Variants in CELSR2 observed in about 807,000 individuals in gnomAD.
The protein encoded by CELSR2 is EGF-like protein 2.
In CELSR2, 81 loss-of-function variants were observed where a neutral mutation model predicts 251.6. That is an observed-to-expected ratio of 0.32 (90% confidence interval 0.27 to 0.39). The LOEUF (loss-of-function observed/expected upper bound fraction) is 0.39. Among genes scored for constraint, CELSR2 ranks in the 10% least tolerant of loss-of-function variants. The pLI is 1.00. For missense variants in CELSR2, 3,365 were observed against 3,947.7 expected (o/e 0.85, Z 3.96); for synonymous variants, 1,721 against 1,670.5 (o/e 1.03, Z -0.74).
chr1:109,258,697 G>T lies in CELSR2; in HGVS notation c.3576G>T (p.Gly1192=). 1 of 1,549,452 alleles carries T rather than the reference G, an allele frequency of 6.5e-7. No homozygotes were observed. The highest frequency in any genetic ancestry group is 8.7e-7 in the Non-Finnish European group (1 of 1,146,186). ...NVSLSVGQPP[G]PGGGPPFLPS... ...GCCTGTCGGTGGGCCAGCCGCCAGGGCCCGGGGGCGGGCCGCCCTTCCTGC... is the reference window on the plus strand; with the variant it reads ...GCCTGTCGGTGGGCCAGCCGCCAGGTCCCGGGGGCGGGCCGCCCTTCCTGC... The change falls in exon 2 of 34, where the codon GGG becomes GGT. Residue 1192 remains glycine, a synonymous_variant. Coordinates refer to ENST00000271332, the MANE Select transcript of CELSR2 (RefSeq NM_001408.3).
rs1482851128 is a variant in CELSR2 at position 109,269,705 on chromosome 1, C to T, written c.6992C>T (p.Thr2331Ile). 2 of 1,614,152 alleles carry T rather than the reference C, an allele frequency of 1.2e-6. No individual in the cohort carries two copies. Among genetic ancestry groups the T allele is most frequent in the African/African-American group, 1.3e-5 (1 of 75,064 alleles). Residue 2331 changes from threonine to isoleucine, a missense_variant, in exon 22 of 34, where the codon ACA becomes ATA. Transcript: ENST00000271332. This position sits in a 1 kb window ranked among gnomAD's most constrained non-coding sequence, Gnocchi z 6.4. ...CCTTCCTCACACAGGGTCAGTGGCA[C>T]AGGTGGCTGGTCGGCCAGAGGCTGT... ...FWNHSILVSG[T>I]GGWSARGCEV...
At position 109,252,968 on chromosome 1, in the gene CELSR2, C is replaced by A; in HGVS notation, c.2889C>A (p.Gly963=). 1 of 1,612,216 alleles carries A rather than the reference C, an allele frequency of 6.2e-7. No individual in the cohort carries two copies. Among genetic ancestry groups the A allele is most frequent in the Non-Finnish European group, 8.5e-7 (1 of 1,178,954 alleles). ...AGATTATGTACCAGATTGTGGAGGG[C>A]AACATCCCTGAGGTCTTTCAGCTGG... ...NAQIMYQIVE[G]NIPEVFQLDI... is the part of the protein sequence containing the mutation. The change falls in exon 1 of 34, where the codon GGC becomes GGA. Residue 963 remains glycine, a synonymous_variant. Coordinates refer to ENST00000271332, the MANE Select transcript of CELSR2 (RefSeq NM_001408.3). This position sits in a 1 kb window ranked among gnomAD's most constrained non-coding sequence, Gnocchi z 4.8.
At position 109,258,412 on chromosome 1, in the gene CELSR2, G is replaced by T; in HGVS notation, c.3311-20G>T. On this transcript the variant is annotated intron_variant, in intron 1 of 33. Coordinates refer to ENST00000271332, the MANE Select transcript of CELSR2 (RefSeq NM_001408.3). Reference sequence around the variant, plus strand: ...GAATTGCAGCCCCAGGCTGGGTCCTGACTGTGTCCCTCTCCACAGACGGCG... The same window carrying T: ...GAATTGCAGCCCCAGGCTGGGTCCTTACTGTGTCCCTCTCCACAGACGGCG... The T allele has an allele frequency of 6.5e-7, 1 of 1,538,900 alleles. No individual in the cohort carries two copies.
Position 109,251,673 on chromosome 1 carries a change from G to C in CELSR2, c.1594G>C (p.Ala532Pro). The stretch of plus-strand genomic sequence containing the variant: ...GGTTCTCCATGTCCAGGCTATCGAC[G>C]CTGATGCTGGTGACAATGCCCGCCT... ...YLVLHVQAID[A>P]DAGDNARLEY... Residue 532 changes from alanine (A) to proline (P), a missense_variant, in exon 1 of 34, where the codon GCT becomes CCT. Physicochemically the swap from Ala to Pro is conservative, Grantham distance 27. This residue lies in a region of CELSR2 where 704 missense variants were observed against 784.1 expected (regional missense o/e 0.90). Transcript: ENST00000271332. The surrounding 1 kb of genome is among the most constrained non-coding windows in gnomAD (Gnocchi z 4.9). The C allele has an allele frequency of 6.2e-7, 1 of 1,614,062 alleles. No individual in the cohort carries two copies. Among genetic ancestry groups the C allele is most frequent in the Non-Finnish European group, 8.5e-7 (1 of 1,180,026 alleles).
intron 24 of CELSR2, 27 bp from the exon 25 acceptor site, chr1:109,270,900 C>A: frequency 6.4e-7 from 1 of 1,552,778 alleles, no homozygotes; most frequent in Non-Finnish European, 8.8e-7. Flanking sequence ...CACCCCTCCA[C>A]TGCTCCCGTC....
At chr1:109,267,372 G>A (rs971015868) in intron 15 of CELSR2, among the ~76,000 whole-genome samples, 176 bp from the exon 16 acceptor site, 2 of 152,180 alleles carry the variant, frequency 1.3e-5, no homozygotes, top group Admixed American at 6.5e-5. Context: ...CTGATCTTGC[G>A]GAGATTTTTG....
In CELSR2 at chr1:109,270,364, G is replaced by A. The variant is rs767990769; in HGVS notation, c.7309-62G>A. 703 of 1,575,930 alleles carry A rather than the reference G, an allele frequency of 4.5e-4. 1 individual carries two copies. The highest frequency in any genetic ancestry group is 5.7e-4 in the Non-Finnish European group (659 of 1,151,690). On this transcript the variant is annotated intron_variant, in intron 23 of 33. Transcript: ENST00000271332. ...CCAGGCCCTCCTCCATGCCTGACCCGAAGCAGAGCCTGTGCTCTGGGCGGG... is the reference window on the plus strand; with the variant it reads ...CCAGGCCCTCCTCCATGCCTGACCCAAAGCAGAGCCTGTGCTCTGGGCGGG...
chr1:109,273,434 A>G lies in CELSR2; in HGVS notation c.8510-2A>G. The G allele has an allele frequency of 6.2e-7, 1 of 1,610,686 alleles. No individual in the cohort carries two copies. The highest frequency in any genetic ancestry group is 8.5e-7 in the Non-Finnish European group (1 of 1,178,690). ...ACCTCACAGCCCCGCCCCGGCCCAC[A>G]GGCATCCTTAAGAAGAAGTGTCTGC... is the stretch of plus-strand genomic sequence containing the variant. On this transcript the variant is annotated splice_acceptor_variant, in intron 32 of 33. Transcript: ENST00000271332. LOFTEE classifies it high-confidence loss of function.
Position 109,250,887 on chromosome 1 carries a change from A to G in CELSR2, c.808A>G (p.Ser270Gly), listed in dbSNP as rs746313119. ...TAQDHGMPRR[S>G]ALATLTILVT... is the part of the protein sequence containing the mutation. ...GCAGGACCACGGCATGCCCCGACGA[A>G]GTGCCCTGGCTACACTCACCATCTT... Residue 270 changes from serine (S) to glycine (G), a missense_variant, in exon 1 of 34, where the codon AGT becomes GGT. This residue lies in a region of CELSR2 where 704 missense variants were observed against 784.1 expected (regional missense o/e 0.90). Transcript: ENST00000271332. The surrounding 1 kb of genome is among the most constrained non-coding windows in gnomAD (Gnocchi z 4.4). 5 of 1,613,880 alleles carry G rather than the reference A, an allele frequency of 3.1e-6. No homozygotes were observed. The highest frequency in any genetic ancestry group is 1.6e-4 in the Middle Eastern group (1 of 6,084).
At chr1:109,271,347 G>C (rs1316920685) in intron 26 of CELSR2, 39 bp from the exon 27 acceptor site, 1 of 1,613,850 alleles carries the variant, frequency 6.2e-7, no homozygotes, top group Non-Finnish European at 8.5e-7. Context: ...CAGCATGGGA[G>C]GTCTCATGGC....
chr1:109,250,496 G>A lies in CELSR2; in HGVS notation c.417G>A (p.Lys139=). ...LTLPEEHPCL[K]APRLRCQSCK... is the part of the protein sequence containing the mutation. ...TGCCCGAGGAGCACCCGTGCTTAAA[G>A]GCTCCACGGCTCAGATGCCAGTCCT... is the stretch of plus-strand genomic sequence containing the variant. Residue 139 remains lysine (K), a synonymous_variant, in exon 1 of 34, where the codon AAG becomes AAA. Coordinates refer to ENST00000271332, the MANE Select transcript of CELSR2 (RefSeq NM_001408.3). This position sits in a 1 kb window ranked among gnomAD's most constrained non-coding sequence, Gnocchi z 4.4. The A allele has an allele frequency of 1.2e-6, 2 of 1,613,808 alleles. No individual in the cohort carries two copies. The highest frequency in any genetic ancestry group is 1.1e-5 in the South Asian group (1 of 91,084).
Position 109,268,749 on chromosome 1 carries a change from G to A in CELSR2, c.6487G>A (p.Val2163Ile), listed in dbSNP as rs768788328. 16 of 1,601,562 alleles carry A rather than the reference G, an allele frequency of 1.0e-5. No homozygotes were observed. The highest frequency in any genetic ancestry group is 9.0e-5 in the East Asian group (4 of 44,548). The change falls in exon 18 of 34, where the codon GTC (valine) becomes ATC (isoleucine). Residue 2163 changes from valine (V) to isoleucine (I), a missense_variant. This residue lies in a region of CELSR2 where 2,093 missense variants were observed against 2,382.8 expected (regional missense o/e 0.88). Coordinates refer to ENST00000271332, the MANE Select transcript of CELSR2 (RefSeq NM_001408.3). ...RHTYLSPFTIVTPNIVISVVR... is the reference protein window; with the variant it reads ...RHTYLSPFTIITPNIVISVVR... ...CACCTACCTAAGCCCCTTCACCATC[G>A]TCACGCCCAACATTGGTAAGGCTGG...
Position 109,261,730 on chromosome 1 carries a change from G to GC in CELSR2, c.4298-74dup. ...ACTCTATCAGCCAAATCTGGGCCCA[G>GC]CCCCAGCCACTGGCACCCCAAACCC... On this transcript the variant is annotated intron_variant, in intron 4 of 33. Transcript: ENST00000271332. This position sits in a 1 kb window ranked among gnomAD's most constrained non-coding sequence, Gnocchi z 4.8. 6.5e-7 allele frequency: 1 copy of GC among 1,545,184 alleles called. No homozygotes were observed. Among genetic ancestry groups the GC allele is most frequent in the Non-Finnish European group, 8.9e-7 (1 of 1,129,586 alleles).
At chr1:109,264,744 C>T in intron 11 of CELSR2, 116 bp downstream of exon 11, 7 of 1,577,452 alleles carry the variant, frequency 4.4e-6, no homozygotes, top group Non-Finnish European at 6.1e-6. Flanking sequence ...TCTTAGTTGC[C>T]TACACAACAA....
intron 1 of CELSR2, 148 bp from the exon 2 acceptor site, chr1:109,258,284 C>G (rs1474936929): frequency 3.4e-6 from 2 of 588,524 alleles, no homozygotes; most frequent in African/African-American, 1.9e-5. Context: ...CCCCTGAGCC[C>G]TGAAGGAGTG....
At chr1:109,263,036 G>A (rs1372153711) in intron 7 of CELSR2, 67 bp downstream of exon 7, 21 of 1,589,348 alleles carry the variant, frequency 1.3e-5, no homozygotes, top group Middle Eastern at 1.7e-4. Context: ...TGCCTGGTGT[G>A]AGGATGCCAG....
chr1:109,263,895 C>T (rs1303597748), intron 9 of CELSR2, 118 bp downstream of exon 9: 1 of 1,420,176 alleles, frequency 7.0e-7, no homozygotes, highest in East Asian at 2.4e-5. Context: ...ATAGAGGCCG[C>T]TGGATCCGTT....
Position 109,264,991 on chromosome 1 carries a change from G to A in CELSR2, c.5588G>A (p.Gly1863Glu), listed in dbSNP as rs1311707593. The A allele has an allele frequency of 6.2e-7, 1 of 1,614,118 alleles. No homozygotes were observed. The highest frequency in any genetic ancestry group is 1.3e-5 in the African/African-American group (1 of 75,006). Residue 1863 changes from glycine to glutamate, a missense_variant, in exon 12 of 34, where the codon GGG (glycine) becomes GAG (glutamate). Physicochemically the swap from Gly to Glu is moderately conservative, Grantham distance 98. Coordinates refer to ENST00000271332, the MANE Select transcript of CELSR2 (RefSeq NM_001408.3). ...YTCECPPNYL[G>E]PYCETRIDQP... ...TGCGAGTGTCCCCCAAATTACCTTG[G>A]GCCATACTGTGAGACCAGGTAAGCA...
Position 109,270,144 on chromosome 1 carries a change from C to T in CELSR2, c.7308+11C>T. ...CAGGCTGACCTCCCTGTAAGATGCT[C>T]CTACTGCCCAGAAACTGTCCCCACC... On this transcript the variant is annotated intron_variant, in intron 23 of 33. Coordinates refer to ENST00000271332, the MANE Select transcript of CELSR2 (RefSeq NM_001408.3). 2 of 1,613,090 alleles carry T rather than the reference C, an allele frequency of 1.2e-6. No individual in the cohort carries two copies. The highest frequency in any genetic ancestry group is 1.6e-4 in the Middle Eastern group (1 of 6,062).
Sources: gnomAD v4.1 joint callset for allele counts (sites outside exome capture counted in the v4.1 genomes callset) on GRCh38, gnomAD v4.1.1 for gene constraint, gnomAD v4.1.1 regional missense constraint, Gnocchi (gnomAD v3.1) non-coding constraint, MANE v1.5 for transcripts, NCBI Gene and HGNC (gene_info 2026-07-23, HGNC 2026-07-21) for gene names.